The following GULP1 variants were observed in gnomAD, a reference collection of about 807,000 sequenced individuals.
The protein encoded by GULP1 is GULP PTB domain containing engulfment adaptor 1.
GULP1 carries 19 observed loss-of-function variants against 40.9 expected under a neutral mutation model. The observed-to-expected ratio is 0.46, with a 90% CI of 0.32 to 0.68. GULP1 has a LOEUF of 0.68. Among genes scored for constraint, GULP1 ranks in the 30% least tolerant of loss-of-function variants. GULP1 has a pLI of 0.03. For missense variants in GULP1, 312 were observed against 362.2 expected, an observed-to-expected ratio of 0.86 and a Z score of 1.12; for synonymous variants, 119 against 117.6, an observed-to-expected ratio of 1.01 and a Z score of -0.08.
At chr2:188,447,966 T>C (rs530728611) in intron 2 of GULP1, among the ~76,000 whole-genome samples, 2 of 152,334 alleles carry the variant, frequency 1.3e-5, no homozygotes, top group East Asian at 3.9e-4. Context: ...TTGATACTTC[T>C]GTGGGAATAT....
chr2:188,429,666 C>T (rs1014526981), intron 2 of GULP1, among the ~76,000 whole-genome samples: 4 of 151,952 alleles, frequency 2.6e-5, no homozygotes, highest in Non-Finnish European at 5.9e-5. Flanking sequence ...GATGTTTAGT[C>T]TTTCGGCTAG....
At chr2:188,452,333 G>A (rs987344594) in intron 2 of GULP1, among the ~76,000 whole-genome samples, 3 of 152,144 alleles carry the variant, frequency 2.0e-5, no homozygotes, top group African/African-American at 7.2e-5. Context: ...CAGCCTGAAA[G>A]CAGAGCAGGC....
intron 1 of GULP1, among the ~76,000 whole-genome samples, chr2:188,306,996 A>C (rs1317515917): frequency 1.3e-5 from 2 of 152,190 alleles, no homozygotes; most frequent in Non-Finnish European, 2.9e-5. Context: ...GAATGGCGTA[A>C]ATCTGGATTC....
chr2:188,511,809 C>A (rs1265310175), intron 4 of GULP1, among the ~76,000 whole-genome samples: 3 of 152,004 alleles, frequency 2.0e-5, no homozygotes, highest in African/African-American at 7.2e-5. Flanking sequence ...AAAATGTGGA[C>A]TTTTTAATAC....
intron 4 of GULP1, among the ~76,000 whole-genome samples, chr2:188,492,789 A>G (rs2062524678): frequency 6.6e-6 from 1 of 152,086 alleles, no homozygotes; most frequent in Admixed American, 6.6e-5. Flanking sequence ...ATTAGTTCCT[A>G]AAAGGTTGTT....
chr2:188,459,911 A>G (rs1319393186), intron 2 of GULP1, among the ~76,000 whole-genome samples: 2 of 152,108 alleles, frequency 1.3e-5, no homozygotes, highest in Non-Finnish European at 2.9e-5. Flanking sequence ...TCTTTTTCCC[A>G]GTGTATGTTT....
At chr2:188,342,087 A>G (rs2043047941) in intron 1 of GULP1, among the ~76,000 whole-genome samples, 1 of 152,238 alleles carries the variant, frequency 6.6e-6, no homozygotes, top group African/African-American at 2.4e-5. Context: ...AAATATATCA[A>G]TACATGTAAG....
intron 4 of GULP1, among the ~76,000 whole-genome samples, chr2:188,508,884 A>G (rs1685208582): frequency 3.0e-5 from 1 of 33,850 alleles, no homozygotes; most frequent in Middle Eastern, 0.062. Context: ...CTTTACCCAC[A>G]CAATTTTTTT....
intron 2 of GULP1, among the ~76,000 whole-genome samples, chr2:188,434,644 T>A (rs535265366): frequency 1.6e-4 from 24 of 151,886 alleles, no homozygotes; most frequent in Non-Finnish European, 1.0e-4. Flanking sequence ...GCTACCCATT[T>A]TGTTGCATTC....
rs761888904 is a variant in GULP1 at position 188,510,810 on chromosome 2, G to GAA, written c.91-11936_91-11935dup. ...TGAAAGTAACCAATACCAGTTTGAG[G>GAA]AAAAAAAAAAACAACAACAAAAACT... On this transcript the variant is annotated intron_variant, in intron 4 of 11. Transcript: ENST00000409830. Among the ~76,000 whole-genome samples the GAA allele has an allele frequency of 3.1e-3, 429 of 138,640 alleles. 3 individuals are homozygous for GAA. Among genetic ancestry groups the GAA allele is most frequent in the African/African-American group, 0.011 (408 of 38,240 alleles). 91.0% of individuals were successfully genotyped at this position (138,640 alleles called of 152,430 possible).
At chr2:188,539,494 T>C (rs1689874507) in intron 6 of GULP1, among the ~76,000 whole-genome samples, 1 of 152,114 alleles carries the variant, frequency 6.6e-6, no homozygotes, top group South Asian at 2.1e-4. Flanking sequence ...ATGCTTTCTG[T>C]ATAAGAAAGG....
chr2:188,394,846 A>G (rs1464592936), intron 2 of GULP1, among the ~76,000 whole-genome samples: 2 of 152,152 alleles, frequency 1.3e-5, no homozygotes, highest in African/African-American at 4.8e-5. Flanking sequence ...TGGCTTTCTC[A>G]AATGCTGGTT....
At chr2:188,298,461 G>A (rs1429280846) in intron 1 of GULP1, among the ~76,000 whole-genome samples, 1 of 151,950 alleles carries the variant, frequency 6.6e-6, no homozygotes, top group African/African-American at 2.4e-5. Context: ...TTGAAATTAC[G>A]TAAATGCAAT....
At chr2:188,476,603 A>C (rs1470769877) in intron 2 of GULP1, among the ~76,000 whole-genome samples, 1 of 152,158 alleles carries the variant, frequency 6.6e-6, no homozygotes, top group African/African-American at 2.4e-5. Flanking sequence ...AAAATAGCAA[A>C]ATATTTTAAT....
intron 1 of GULP1, among the ~76,000 whole-genome samples, chr2:188,344,595 G>A (rs1201149332): frequency 1.3e-5 from 2 of 152,170 alleles, no homozygotes; most frequent in Admixed American, 6.5e-5. Context: ...CCTGGCATTT[G>A]TATCATAGAC....
chr2:188,547,557 C>G (rs1327349422), intron 7 of GULP1, among the ~76,000 whole-genome samples: 1 of 152,090 alleles, frequency 6.6e-6, no homozygotes, highest in Non-Finnish European at 1.5e-5. Flanking sequence ...CCAGTCTAGC[C>G]TTTTCATGTT....
At chr2:188,523,322 T>G (rs1685319420) in intron 5 of GULP1, among the ~76,000 whole-genome samples, 1 of 152,168 alleles carries the variant, frequency 6.6e-6, no homozygotes. Flanking sequence ...TGTCCGTAAG[T>G]AGCCATGGGG....
chr2:188,512,405 A>T (rs890908146), intron 4 of GULP1, among the ~76,000 whole-genome samples: 1 of 152,116 alleles, frequency 6.6e-6, no homozygotes, highest in Admixed American at 6.6e-5. Flanking sequence ...CATATTATCT[A>T]CATAAAATTG....
At chr2:188,584,449 A>G (rs1162213268) in intron 10 of GULP1, 46 bp downstream of exon 10, 1 of 1,123,762 alleles carries the variant, frequency 8.9e-7, no homozygotes, top group East Asian at 2.5e-5. Flanking sequence ...AGTTGCATAC[A>G]TTTTAAATAT....
Sources: allele counts gnomAD v4.1 joint callset (sites outside exome capture counted in the v4.1 genomes callset), GRCh38; gene constraint gnomAD v4.1.1; transcripts MANE v1.5; gene names NCBI Gene and HGNC (gene_info 2026-07-23, HGNC 2026-07-21).